Variants in GRID1 observed in about 807,000 individuals in gnomAD.
The protein encoded by GRID1 is glutamate ionotropic receptor delta type subunit 1, also known as glutamate receptor ionotropic, delta-1.
In GRID1, 28 loss-of-function variants were observed where a neutral mutation model predicts 98.0. That is an observed-to-expected ratio of 0.29 (90% CI 0.21 to 0.39). The LOEUF is 0.39. Among genes scored for constraint, GRID1 ranks in the 10% least tolerant of loss-of-function variants. The pLI is 1.00. For synonymous variants in GRID1, 553 were observed against 538.5 expected, an observed-to-expected ratio of 1.03 and a Z score of -0.37; for missense variants, 1,111 against 1,340.5, an observed-to-expected ratio of 0.83 and a Z score of 2.67.
At chr10:86,104,874 G>A (rs1171935322) in intron 4 of GRID1, among the ~76,000 whole-genome samples, 2 of 152,194 alleles carry the variant, frequency 1.3e-5, no homozygotes, top group Non-Finnish European at 2.9e-5. Context: ...TAGGGTGTGC[G>A]ACAGCGGACA....
chr10:85,693,617 T>G (rs1186949923), intron 12 of GRID1, among the ~76,000 whole-genome samples: 1 of 151,656 alleles, frequency 6.6e-6, no homozygotes, highest in Admixed American at 6.6e-5. Flanking sequence ...ATAGAGAACA[T>G]GGAAATAAAG....
chr10:85,671,588 C>T (rs1044484772), intron 12 of GRID1, among the ~76,000 whole-genome samples: 4 of 152,044 alleles, frequency 2.6e-5, no homozygotes, highest in Admixed American at 2.0e-4. Context: ...CCCCAACACA[C>T]AACAATATTG....
At chr10:85,662,673 T>C (rs1310552810) in intron 12 of GRID1, among the ~76,000 whole-genome samples, 1 of 152,186 alleles carries the variant, frequency 6.6e-6, no homozygotes, top group East Asian at 1.9e-4. Context: ...ATGACATTTT[T>C]CCTGATGCCA....
At chr10:85,839,809 G>T (rs1421594205) in intron 8 of GRID1, among the ~76,000 whole-genome samples, 4 of 152,050 alleles carry the variant, frequency 2.6e-5, no homozygotes, top group Admixed American at 2.6e-4. Context: ...AAAGATCAAT[G>T]AATCCAGGAG....
intron 8 of GRID1, among the ~76,000 whole-genome samples, chr10:85,817,675 C>T (rs1842728127): frequency 1.3e-5 from 2 of 152,206 alleles, no homozygotes; most frequent in African/African-American, 4.8e-5. Context: ...AGATGGATCA[C>T]GAGGTCAAGA....
Position 85,868,962 on chromosome 10 carries a change from G to T in GRID1, c.951+48C>A, listed in dbSNP as rs763508125. 8 of 1,543,318 alleles carry T rather than the reference G, an allele frequency of 5.2e-6. No individual in the cohort carries two copies. In the East Asian group the frequency reaches 1.1e-4, roughly 22 times the overall value. On this transcript the variant is annotated intron_variant, in intron 6 of 15. Coordinates refer to ENST00000327946, the MANE Select transcript of GRID1 (RefSeq NM_017551.3). The stretch of plus-strand genomic sequence containing the variant: ...ATGTCTCCCTTGGCCAAGGGTGTGG[G>T]TGAGACTCTTGGTGGAGGGGACTGG...
chr10:85,838,541 T>G (rs1289721720), intron 8 of GRID1, among the ~76,000 whole-genome samples: 1 of 152,140 alleles, frequency 6.6e-6, no homozygotes, highest in Non-Finnish European at 1.5e-5. Context: ...CAACCCAGAA[T>G]TTCATATCCA....
At chr10:85,723,994 T>C (rs1021497553) in intron 11 of GRID1, among the ~76,000 whole-genome samples, 1 of 152,172 alleles carries the variant, frequency 6.6e-6, no homozygotes, top group Non-Finnish European at 1.5e-5. Flanking sequence ...AATTGGGATT[T>C]TTTTTCCCCA....
At chr10:85,762,634 T>C (rs1242817927) in intron 8 of GRID1, among the ~76,000 whole-genome samples, 1 of 152,180 alleles carries the variant, frequency 6.6e-6, no homozygotes, top group African/African-American at 2.4e-5. Flanking sequence ...GGCAAAAGGC[T>C]GCCAGCTCCC....
At chr10:85,950,632 G>A (rs985468833) in intron 4 of GRID1, among the ~76,000 whole-genome samples, 8 of 152,170 alleles carry the variant, frequency 5.3e-5, no homozygotes, top group Non-Finnish European at 8.8e-5. Flanking sequence ...GCACATCCTT[G>A]CAGTCACCTT....
At chr10:85,681,694 T>C (rs1294494374) in intron 12 of GRID1, among the ~76,000 whole-genome samples, 2 of 152,146 alleles carry the variant, frequency 1.3e-5, no homozygotes, top group East Asian at 3.9e-4. Flanking sequence ...CCACACCACC[T>C]TCAGCCCACG....
intron 12 of GRID1, among the ~76,000 whole-genome samples, chr10:85,697,541 T>C (rs1399395392): frequency 6.6e-6 from 1 of 152,198 alleles, no homozygotes; most frequent in Non-Finnish European, 1.5e-5. Flanking sequence ...TTTCCCATTT[T>C]ATAGTTATTA....
At chr10:86,140,504 C>G (rs1278628461) in intron 3 of GRID1, among the ~76,000 whole-genome samples, 1 of 152,248 alleles carries the variant, frequency 6.6e-6, no homozygotes, top group Non-Finnish European at 1.5e-5. Flanking sequence ...AGAGGACAGG[C>G]TCACCACTAA....
intron 4 of GRID1, among the ~76,000 whole-genome samples, chr10:86,003,355 G>T (rs184311737): frequency 1.3e-3 from 194 of 152,354 alleles, no homozygotes; most frequent in Middle Eastern, 3.4e-3. Flanking sequence ...GCTGACAGCT[G>T]TTCATCCAGA....
In GRID1 at chr10:85,916,180, C is replaced by A. The variant is rs1236888411; in HGVS notation, c.780+6G>T. On this transcript the variant is annotated splice_donor_region_variant and intron_variant, in intron 5 of 15. Coordinates refer to ENST00000327946, the MANE Select transcript of GRID1 (RefSeq NM_017551.3). The surrounding 1 kb of genome is among the most constrained non-coding windows in gnomAD (Gnocchi z 4.0). ...GCCGTGCTCATCACATTTCTAGAGC[C>A]CTTACCTCATTCACAAAGACCCAGT... 2 of 1,608,748 alleles carry A rather than the reference C, an allele frequency of 1.2e-6. No individual in the cohort carries two copies. Among genetic ancestry groups the A allele is most frequent in the Non-Finnish European group, 1.7e-6 (2 of 1,175,176 alleles).
At chr10:85,908,432 AT>A (rs1841491825) in intron 5 of GRID1, among the ~76,000 whole-genome samples, 1 of 152,230 alleles carries the variant, frequency 6.6e-6, no homozygotes, top group Admixed American at 6.5e-5. Flanking sequence ...TTAAACTATA[AT>A]TTTCAGTAGC....
intron 13 of GRID1, among the ~76,000 whole-genome samples, chr10:85,637,966 CAT>C (rs1461181244): frequency 1.3e-5 from 2 of 152,142 alleles, no homozygotes; most frequent in Non-Finnish European, 2.9e-5. Context: ...GAATACACAA[CAT>C]ATAAAAATTC....
intron 4 of GRID1, among the ~76,000 whole-genome samples, chr10:86,087,417 G>A (rs1460047069): frequency 6.6e-6 from 1 of 150,552 alleles, no homozygotes; most frequent in Non-Finnish European, 1.5e-5. Context: ...CGGGGTGTCT[G>A]TGTATGTGTG....
intron 2 of GRID1, among the ~76,000 whole-genome samples, chr10:86,299,532 G>A (rs1183891640): frequency 6.7e-6 from 1 of 149,568 alleles, no homozygotes; most frequent in Non-Finnish European, 1.5e-5. Flanking sequence ...TCCCCTTCCT[G>A]GAAACCATCA....
Sources: allele counts gnomAD v4.1 joint callset (sites outside exome capture counted in the v4.1 genomes callset), GRCh38; gene constraint gnomAD v4.1.1; non-coding constraint Gnocchi (gnomAD v3.1); transcripts MANE v1.5; gene names NCBI Gene and HGNC (gene_info 2026-07-23, HGNC 2026-07-21).